The following TACC2 variants were observed in gnomAD, a reference collection of about 807,000 sequenced individuals.
The protein encoded by TACC2 is transforming acidic coiled-coil containing protein 2.
In TACC2, 137 loss-of-function variants were observed where a neutral mutation model predicts 227.3. The observed-to-expected ratio is 0.60, with a 90% confidence interval of 0.52 to 0.69. TACC2 has a LOEUF of 0.69. TACC2 is among the 30% of genes least tolerant of loss of function. The pLI, the probability that TACC2 is intolerant of heterozygous loss-of-function variation, is 0.00. For missense variants in TACC2, 3,470 were observed against 3,694.4 expected (o/e 0.94, Z 1.57); for synonymous variants, 1,523 against 1,487.5 (o/e 1.02, Z -0.55).
chr10:122,223,514 C>T (rs556050243), intron 11 of TACC2, among the ~76,000 whole-genome samples: 1 of 152,136 alleles, frequency 6.6e-6, no homozygotes, highest in Non-Finnish European at 1.5e-5. Context: ...AAACTGTCTT[C>T]GATTTCATGA....
chr10:122,132,295 C>T (rs972891560), intron 5 of TACC2, among the ~76,000 whole-genome samples: 1 of 152,152 alleles, frequency 6.6e-6, no homozygotes, highest in African/African-American at 2.4e-5. Flanking sequence ...CCTGTAATCC[C>T]CACACTTTGG....
intron 7 of TACC2, among the ~76,000 whole-genome samples, chr10:122,171,352 G>A (rs888090655): frequency 5.9e-5 from 9 of 152,142 alleles, no homozygotes; most frequent in Non-Finnish European, 1.2e-4. Context: ...GTAGGGGGGT[G>A]GAGGTAGGGT....
intron 7 of TACC2, among the ~76,000 whole-genome samples, chr10:122,164,856 A>G (rs1035097806): frequency 6.6e-6 from 1 of 152,124 alleles, no homozygotes; most frequent in African/African-American, 2.4e-5. Flanking sequence ...ACTTGGGGGT[A>G]GGGGTAGTAA....
intron 3 of TACC2, among the ~76,000 whole-genome samples, chr10:122,076,885 C>G (rs865804548): frequency 6.6e-6 from 1 of 151,938 alleles, no homozygotes; most frequent in Admixed American, 6.6e-5. Flanking sequence ...GAGGCTAAGG[C>G]GGACGGATCA....
rs530483285 is a variant in TACC2, at chr10:122,006,244, C to T, written c.-45-15693C>T. On this transcript the variant is annotated intron_variant, in intron 1 of 22. Coordinates refer to ENST00000369005, the MANE Select transcript of TACC2 (RefSeq NM_206862.4). The stretch of plus-strand genomic sequence containing the variant: ...TGGGTGGATCACGAGGTCAGGAGAT[C>T]GAGACCATCCTGGCTAACATGGTGA... Among the ~76,000 whole-genome samples, 15 of 151,778 alleles carry T rather than the reference C, an allele frequency of 9.9e-5. No homozygotes were observed. The South Asian group carries it at 2.1e-3, about 21-fold the overall frequency.
chr10:122,094,109 T>C (rs2081119829), intron 5 of TACC2, among the ~76,000 whole-genome samples: 1 of 152,148 alleles, frequency 6.6e-6, no homozygotes, highest in Admixed American at 6.5e-5. Flanking sequence ...TTACAAATTG[T>C]GTTCTTATCA....
intron 2 of TACC2, among the ~76,000 whole-genome samples, chr10:122,037,385 T>G (rs1565130329): frequency 6.6e-6 from 1 of 152,336 alleles, no homozygotes; most frequent in East Asian, 1.9e-4. Context: ...TGAGCCTGTA[T>G]GCTCACTCAC....
intron 1 of TACC2, among the ~76,000 whole-genome samples, chr10:122,020,258 T>C (rs2135505437): frequency 6.6e-6 from 1 of 152,180 alleles, no homozygotes; most frequent in African/African-American, 2.4e-5. Context: ...AAAAAATAAA[T>C]GGAAGTGATT....
chr10:122,205,254 G>C lies in TACC2; in HGVS notation c.5972-5143G>C, dbSNP rs749754958. Among the ~76,000 whole-genome samples, 24 of 152,134 alleles carry C rather than the reference G, an allele frequency of 1.6e-4. No individual in the cohort carries two copies. The highest frequency in any genetic ancestry group is 2.4e-4 in the Non-Finnish European group (16 of 68,028). The stretch of plus-strand genomic sequence containing the variant: ...GAGGAGCACAGCCCCACCCGGTGGG[G>C]GTTCCTGGGGTCTCTGTGAGATCCT... On this transcript the variant is annotated intron_variant, in intron 8 of 22. Coordinates refer to ENST00000369005, the MANE Select transcript of TACC2 (RefSeq NM_206862.4). This position sits in a 1 kb window ranked among gnomAD's most constrained non-coding sequence, Gnocchi z 4.5.
At chr10:122,226,587 C>A in intron 13 of TACC2, 106 bp downstream of exon 13, 1 of 760,368 alleles carries the variant, frequency 1.3e-6, no homozygotes, top group Non-Finnish European at 2.1e-6. Context: ...TAGATTCAGG[C>A]GGCTGACATG....
At chr10:122,014,205 T>C (rs555943782) in intron 1 of TACC2, among the ~76,000 whole-genome samples, 3 of 151,440 alleles carry the variant, frequency 2.0e-5, no homozygotes, top group African/African-American at 2.4e-5. Context: ...CATCTTACCA[T>C]TGATGAAATG....
At chr10:122,027,955 G>T (rs1958261864) in intron 2 of TACC2, among the ~76,000 whole-genome samples, 1 of 151,810 alleles carries the variant, frequency 6.6e-6, no homozygotes, top group Non-Finnish European at 1.5e-5. Context: ...GTGTTAGCCA[G>T]GTTGGTCTCG....
rs898819681 is a variant in TACC2 at position 122,254,330 on chromosome 10, A to G, written c.*274A>G. ...TGTCTGATTCTCTAATAAAAGACAC[A>G]TTGCTGACCTTGGCCTTGCCCTTTG... On this transcript the variant is annotated 3_prime_UTR_variant, in exon 23 of 23. Transcript: ENST00000369005. The G allele has an allele frequency of 2.1e-5, 10 of 467,844 alleles. No individual in the cohort carries two copies. In the East Asian group the frequency reaches 4.4e-4, roughly 20 times the overall value. 29.0% of individuals were successfully genotyped at this position (467,844 alleles called of 1,614,324 possible).
chr10:122,015,112 A>T lies in TACC2; in HGVS notation c.-45-6825A>T, dbSNP rs929724177. On this transcript the variant is annotated intron_variant, in intron 1 of 22. Transcript: ENST00000369005. Reference sequence around the variant, plus strand: ...TTTGGCAGTTCATCTGCTATAAAAAAAAAAAAAAAGGACAAAACATATCTC... The same window carrying T: ...TTTGGCAGTTCATCTGCTATAAAAATAAAAAAAAAGGACAAAACATATCTC... 5.1e-4 allele frequency among the ~76,000 whole-genome samples: 74 copies of T among 144,102 alleles called. 2 individuals carry two copies. In the South Asian group the frequency reaches 0.016, roughly 30 times the overall value. The allele number at this position is 144,102 out of a possible 152,430, so 94.5% of individuals were successfully genotyped here. A position where few individuals can be genotyped will look rare whatever the true frequency, so the allele number is the denominator to read the frequency against.
chr10:122,076,465 C>T (rs572877460), intron 3 of TACC2, among the ~76,000 whole-genome samples: 130 of 152,180 alleles, frequency 8.5e-4, no homozygotes, highest in Non-Finnish European at 1.4e-3. Context: ...CATTCTACCC[C>T]GGCTTTCCTT....
At chr10:122,242,070 G>A (rs542838006) in intron 19 of TACC2, 69 bp downstream of exon 19, 5 of 1,437,836 alleles carry the variant, frequency 3.5e-6, no homozygotes, top group African/African-American at 2.8e-5. Flanking sequence ...GGCCTTGGAA[G>A]ATAGGAGGCT....
At chr10:122,071,585 C>T (rs552328235) in intron 3 of TACC2, among the ~76,000 whole-genome samples, 11 of 151,902 alleles carry the variant, frequency 7.2e-5, no homozygotes, top group Admixed American at 5.3e-4. Context: ...TATAGAAGCT[C>T]GTATGAGGCC....
At chr10:122,103,224 T>C (rs2082370298) in intron 5 of TACC2, among the ~76,000 whole-genome samples, 1 of 152,170 alleles carries the variant, frequency 6.6e-6, no homozygotes, top group South Asian at 2.1e-4. Flanking sequence ...GTCTAGAGTA[T>C]ATAAGAAATA....
At chr10:122,042,654 G>A (rs772897575) in intron 2 of TACC2, among the ~76,000 whole-genome samples, 27 of 152,188 alleles carry the variant, frequency 1.8e-4, no homozygotes, top group Non-Finnish European at 3.5e-4. Context: ...CATGTACAAT[G>A]TCTACGTGGT....
Sources: allele counts gnomAD v4.1 joint callset (sites outside exome capture counted in the v4.1 genomes callset), GRCh38; gene constraint gnomAD v4.1.1; non-coding constraint Gnocchi (gnomAD v3.1); transcripts MANE v1.5; gene names NCBI Gene and HGNC (gene_info 2026-07-23, HGNC 2026-07-21).